Variants in CBR4 observed in about 807,000 individuals in gnomAD.
The protein encoded by CBR4 is carbonyl reductase 4, also known as 3-oxoacyl-[acyl-carrier-protein] reductase.
Under a neutral mutation model 21.0 loss-of-function variants are expected in CBR4, and 22 were observed. The observed-to-expected ratio is 1.05, with a 90% CI of 0.75 to 1.50. CBR4 has a LOEUF of 1.50. CBR4 is among the 40% of genes most tolerant of loss of function. The pLI is 0.00. For synonymous variants in CBR4, 100 were observed against 104.4 expected, an observed-to-expected ratio of 0.96 and a Z score of 0.26; for missense variants, 302 against 286.3, an observed-to-expected ratio of 1.05 and a Z score of -0.40.
chr4:168,899,357 A>G (rs1016086655), intron 2 of CBR4, among the ~76,000 whole-genome samples: 14 of 152,140 alleles, frequency 9.2e-5, no homozygotes, highest in Admixed American at 7.9e-4. Flanking sequence ...CAAGGCAGTA[A>G]ACAGGAGTAC....
rs146775658 is a variant in CBR4 at position 169,002,167 on chromosome 4, C to T, written c.439G>A (p.Val147Ile). ...VGLKGNSGQS[V>I]YSASKGGLVG... ...AATCCTCCTTTACTGGCACTGTAAACGGACTGGCCAGAGTTGCCTTTTAAG... is the reference window on the plus strand; with the variant it reads ...AATCCTCCTTTACTGGCACTGTAAATGGACTGGCCAGAGTTGCCTTTTAAG... Residue 147 changes from valine (V) to isoleucine (I), a missense_variant, in exon 4 of 5, where the codon GTT becomes ATT. Coordinates refer to ENST00000306193, the MANE Select transcript of CBR4 (RefSeq NM_032783.5). 27 of 1,531,322 alleles carry T rather than the reference C, an allele frequency of 1.8e-5. No individual in the cohort carries two copies. Among genetic ancestry groups the T allele is most frequent in the East Asian group, 1.5e-4 (6 of 41,144 alleles). 94.9% of individuals were successfully genotyped at this position (1,531,322 alleles called of 1,614,324 possible). A position where few individuals can be genotyped will look rare whatever the true frequency, so the allele number is the denominator to read the frequency against.
At chr4:168,896,286 CT>C (rs1366688486) in intron 2 of CBR4, among the ~76,000 whole-genome samples, 1 of 151,806 alleles carries the variant, frequency 6.6e-6, no homozygotes, top group East Asian at 1.9e-4. Context: ...CTTAAATGTG[CT>C]CACAACACTT....
intron 2 of CBR4, chr4:168,924,257 AAAG>A (rs1465243169): frequency 6.2e-7 from 1 of 1,613,400 alleles, no homozygotes; most frequent in Non-Finnish European, 8.5e-7. Context: ...TTTCTTAGCT[AAAG>A]AAGCACACAA....
intron 4 of CBR4, among the ~76,000 whole-genome samples, chr4:168,998,876 A>G (rs1207982555): frequency 6.6e-6 from 1 of 152,180 alleles, no homozygotes; most frequent in Non-Finnish European, 1.5e-5. Context: ...ATGAAATACA[A>G]AAGAAACTTT....
At chr4:168,939,100 C>A (rs1248955156) in intron 2 of CBR4, among the ~76,000 whole-genome samples, 1 of 152,100 alleles carries the variant, frequency 6.6e-6, no homozygotes, top group African/African-American at 2.4e-5. Context: ...TTATCTACCA[C>A]GATCAAGTCG....
intron 2 of CBR4, among the ~76,000 whole-genome samples, chr4:168,920,232 G>A (rs1761172789): frequency 6.6e-6 from 1 of 152,194 alleles, no homozygotes; most frequent in South Asian, 2.1e-4. Context: ...CAGAGCCTGA[G>A]TGTCTCAGAA....
chr4:168,970,383 G>A (rs1352989330), intron 2 of CBR4, among the ~76,000 whole-genome samples: 1 of 151,990 alleles, frequency 6.6e-6, no homozygotes, highest in Non-Finnish European at 1.5e-5. Context: ...ATTTACCTTT[G>A]TGTATCATGT....
intron 2 of CBR4, among the ~76,000 whole-genome samples, chr4:168,914,271 T>C (rs1046121620): frequency 6.6e-6 from 1 of 152,226 alleles, no homozygotes; most frequent in African/African-American, 2.4e-5. Flanking sequence ...ATAAGACATA[T>C]TTTATAGACA....
intron 1 of CBR4, among the ~76,000 whole-genome samples, chr4:169,008,733 ACT>A (rs1226972323): frequency 2.6e-5 from 4 of 152,048 alleles, no homozygotes; most frequent in Non-Finnish European, 5.9e-5. Context: ...TCCAGCAAAC[ACT>A]GATGGCTTGG....
At chr4:168,986,889 C>G (rs561655428), downstream of CBR4, among the ~76,000 whole-genome samples, 1 of 152,238 alleles carries the variant, frequency 6.6e-6, no homozygotes, top group South Asian at 2.1e-4. Context: ...TGGCAGTGAG[C>G]TGTGATCATG....
Position 169,006,794 on chromosome 4 carries a change from T to C in CBR4, c.361A>G (p.Thr121Ala). 1 of 1,613,922 alleles carries C rather than the reference T, an allele frequency of 6.2e-7. No homozygotes were observed. The highest frequency in any genetic ancestry group is 8.5e-7 in the Non-Finnish European group (1 of 1,179,794). The change falls in exon 3 of 5, where the codon ACT becomes GCT. Residue 121 changes from threonine (T) to alanine (A), a missense_variant. Thr to Ala is a moderately conservative substitution (Grantham distance 58). Coordinates refer to ENST00000306193, the MANE Select transcript of CBR4 (RefSeq NM_032783.5). The part of the protein sequence containing the change: ...SMLTCKAAMR[T>A]MIQQQGGSIV... ...GACCCTCCCTGTTGTTGAATCATAG[T>C]CCTCATGGCAGCTTTACAGGTCAGC... is the stretch of plus-strand genomic sequence containing the variant.
intron 2 of CBR4, among the ~76,000 whole-genome samples, chr4:168,934,068 T>C (rs1448309864): frequency 7.0e-6 from 1 of 142,380 alleles, no homozygotes; most frequent in Non-Finnish European, 1.5e-5. Flanking sequence ...GTAAAAAGAG[T>C]TCTAATAACC....
intron 2 of CBR4, among the ~76,000 whole-genome samples, chr4:168,921,324 T>C (rs1761445465): frequency 6.8e-6 from 1 of 147,862 alleles, no homozygotes. Flanking sequence ...GGAGAATCGC[T>C]TGAACCCGGG....
chr4:168,919,417 C>T (rs1267149876), intron 2 of CBR4, among the ~76,000 whole-genome samples: 1 of 151,776 alleles, frequency 6.6e-6, no homozygotes, highest in Non-Finnish European at 1.5e-5. Flanking sequence ...CCCAGCTACT[C>T]AGGAGGCTGA....
chr4:169,009,118 T>C (rs1367194583), intron 1 of CBR4: 1 of 434,440 alleles, frequency 2.3e-6, no homozygotes, highest in Non-Finnish European at 4.5e-6. Context: ...GACGCACCCC[T>C]AGGCCTCTAT....
intron 4 of CBR4, among the ~76,000 whole-genome samples, chr4:168,991,368 G>A (rs1764915059): frequency 1.3e-5 from 2 of 152,276 alleles, no homozygotes; most frequent in African/African-American, 4.8e-5. Flanking sequence ...CTTAGGTAGG[G>A]ATAGAAAAGT....
chr4:168,984,833 T>C (rs1482486076), downstream of CBR4, among the ~76,000 whole-genome samples: 1 of 152,150 alleles, frequency 6.6e-6, no homozygotes, highest in Admixed American at 6.5e-5. Flanking sequence ...ATTCAATAAA[T>C]GGTGCTGGGA....
chr4:168,953,546 C>A (rs972161731), intron 2 of CBR4, among the ~76,000 whole-genome samples: 2 of 151,978 alleles, frequency 1.3e-5, no homozygotes, highest in African/African-American at 4.8e-5. Flanking sequence ...CTACATCAGC[C>A]TCCCAAGTAG....
chr4:168,980,864 C>A (rs900733748), intron 2 of CBR4, among the ~76,000 whole-genome samples: 1 of 152,172 alleles, frequency 6.6e-6, no homozygotes, highest in Non-Finnish European at 1.5e-5. Context: ...TGAGAAACAG[C>A]CAGTGCAATA....
Sources: gnomAD v4.1 joint callset for allele counts (sites outside exome capture counted in the v4.1 genomes callset) on GRCh38, gnomAD v4.1.1 for gene constraint, MANE v1.5 for transcripts, NCBI Gene and HGNC (gene_info 2026-07-23, HGNC 2026-07-21) for gene names.